Variants in ADCY8 observed in about 807,000 individuals in gnomAD.
ADCY8 encodes the protein adenylate cyclase 8, also known as adenylate cyclase type 8.
Under a neutral mutation model 119.7 loss-of-function variants are expected in ADCY8, and 51 were observed. The observed-to-expected ratio is 0.43, with a 90% confidence interval of 0.34 to 0.54. The LOEUF (loss-of-function observed/expected upper bound fraction) is 0.54. Among genes scored for constraint, ADCY8 ranks in the 20% least tolerant of loss-of-function variants. The probability of loss-of-function intolerance (pLI) is 0.03; values close to 1 mark genes in which losing one functional copy is unlikely to be tolerated. For missense variants in ADCY8, 1,383 were observed against 1,598.8 expected (o/e 0.87, Z 2.30); for synonymous variants, 665 against 651.0 (o/e 1.02, Z -0.33).
intron 8 of ADCY8, among the ~76,000 whole-genome samples, chr8:130,874,409 T>G (rs573740687): frequency 4.8e-4 from 73 of 152,294 alleles, no homozygotes; most frequent in African/African-American, 1.7e-3. Flanking sequence ...TTTTCAGTAA[T>G]TTTTGAATTT....
chr8:130,919,303 G>GCA (rs150748885), intron 5 of ADCY8, among the ~76,000 whole-genome samples: 3,082 of 149,922 alleles, frequency 0.021, 32 homozygotes, highest in Admixed American at 0.027. Flanking sequence ...ACTCACACTC[G>GCA]CACACACACA....
chr8:130,959,559 A>G (rs1053328890), intron 2 of ADCY8, among the ~76,000 whole-genome samples: 3 of 152,262 alleles, frequency 2.0e-5, no homozygotes, highest in African/African-American at 7.2e-5. Context: ...TAGTTGAGGT[A>G]GTAATCAAAT....
At chr8:130,932,441 G>A (rs1820659297) in intron 5 of ADCY8, among the ~76,000 whole-genome samples, 1 of 152,148 alleles carries the variant, frequency 6.6e-6, no homozygotes, top group African/African-American at 2.4e-5. Context: ...TACTGTGGCA[G>A]GCCCAGTGTT....
At chr8:130,957,746 G>C (rs1821474786) in intron 2 of ADCY8, among the ~76,000 whole-genome samples, 1 of 152,232 alleles carries the variant, frequency 6.6e-6, no homozygotes, top group Admixed American at 6.5e-5. Context: ...TGGCTGAAAG[G>C]GGTCAATGTA....
intron 15 of ADCY8, among the ~76,000 whole-genome samples, chr8:130,794,337 C>G (rs10102253): frequency 0.011 from 1,644 of 152,270 alleles, 33 homozygotes; most frequent in African/African-American, 0.038. Flanking sequence ...CTCCACTTCC[C>G]AGGTTCAAGT....
chr8:131,004,348 T>C (rs1823047886), intron 1 of ADCY8, among the ~76,000 whole-genome samples: 2 of 152,168 alleles, frequency 1.3e-5, no homozygotes, highest in African/African-American at 2.4e-5. Flanking sequence ...CCATTCCCAC[T>C]CCACCTCCCA....
chr8:130,806,222 G>C (rs1815952325), intron 14 of ADCY8, among the ~76,000 whole-genome samples: 1 of 152,144 alleles, frequency 6.6e-6, no homozygotes, highest in South Asian at 2.1e-4. Context: ...TTTTGCCCTT[G>C]GTGGCCCTGA....
chr8:130,964,511 A>G (rs1255632058), intron 2 of ADCY8, among the ~76,000 whole-genome samples: 1 of 152,220 alleles, frequency 6.6e-6, no homozygotes, highest in East Asian at 1.9e-4. Flanking sequence ...AATGAAATCA[A>G]ATACTTTGGG....
At chr8:130,791,013 G>A (rs893864703) in intron 15 of ADCY8, among the ~76,000 whole-genome samples, 1 of 152,218 alleles carries the variant, frequency 6.6e-6, no homozygotes, top group Non-Finnish European at 1.5e-5. Flanking sequence ...AACAGCATGG[G>A]CCAACGGCTA....
At position 130,874,310 on chromosome 8, in the gene ADCY8, AAAATAAATAAATAAAT is replaced by A. The variant is rs142984550; in HGVS notation, c.2110-6380_2110-6365del. Among the ~76,000 whole-genome samples the A allele has an allele frequency of 6.1e-4, 91 of 147,992 alleles. 1 individual carries two copies. Among genetic ancestry groups the A allele is most frequent in the East Asian group, 5.1e-3 (26 of 5,086 alleles). On this transcript the variant is annotated intron_variant, in intron 8 of 17. Coordinates refer to ENST00000286355, the MANE Select transcript of ADCY8 (RefSeq NM_001115.3). The stretch of plus-strand genomic sequence containing the variant: ...AAGACAAAGCAAGACTCTGACTTAA[AAAATAAATAAATAAAT>A]AAATAAATAAATAAATAAATAAATA...
At chr8:130,790,775 C>G (rs918180758) in intron 15 of ADCY8, among the ~76,000 whole-genome samples, 1 of 152,100 alleles carries the variant, frequency 6.6e-6, no homozygotes, top group Non-Finnish European at 1.5e-5. Flanking sequence ...CTTCCTCCGT[C>G]GATCCATTAT....
chr8:130,930,176 G>A (rs1372726811), intron 5 of ADCY8, among the ~76,000 whole-genome samples: 3 of 151,254 alleles, frequency 2.0e-5, no homozygotes, highest in Admixed American at 1.3e-4. Flanking sequence ...TAGATCTTGT[G>A]TTACTTCTTC....
chr8:130,821,521 C>T (rs891628933), intron 12 of ADCY8, 101 bp from the exon 13 acceptor site: 3 of 814,296 alleles, frequency 3.7e-6, no homozygotes, highest in Admixed American at 4.3e-5. Flanking sequence ...GAAAAAAACA[C>T]ACATCTTTTC....
In ADCY8 at chr8:130,906,315, C is replaced by A. The variant is rs186570684; in HGVS notation, c.1641-2273G>T. On this transcript the variant is annotated intron_variant, in intron 6 of 17. Transcript: ENST00000286355. Reference sequence around the variant, plus strand: ...TACCTTTTCTCCTAGACAAAATGAACCTGGTAGGAGGGTTTTCTAAAGTAC... The same window carrying A: ...TACCTTTTCTCCTAGACAAAATGAAACTGGTAGGAGGGTTTTCTAAAGTAC... 3.0e-4 allele frequency among the ~76,000 whole-genome samples: 46 copies of A among 152,270 alleles called. No homozygotes were observed. The East Asian group carries it at 7.9e-3, about 26-fold the overall frequency.
At chr8:130,800,041 A>C (rs16904362) in intron 15 of ADCY8, among the ~76,000 whole-genome samples, 27,385 of 152,248 alleles carry the variant, frequency 0.18, 2,811 homozygotes, top group Non-Finnish European at 0.22. Context: ...GCAAATGGAC[A>C]GTTTTATCTT....
At chr8:130,836,127 C>T (rs56349727) in intron 12 of ADCY8, 150 bp downstream of exon 12, 51,936 of 876,896 alleles carry the variant, frequency 0.059, 1,691 homozygotes, top group Middle Eastern at 0.075. Context: ...TTTGCTTGGA[C>T]TTGTAAACTA....
At chr8:130,966,588 G>A (rs369524401) in intron 2 of ADCY8, among the ~76,000 whole-genome samples, 2 of 152,166 alleles carry the variant, frequency 1.3e-5, no homozygotes, top group Non-Finnish European at 2.9e-5. Context: ...ACCCTAAAAG[G>A]GGGGAAGCAA....
rs1819752103 is a variant in ADCY8 at position 130,905,488 on chromosome 8, TGAATGAAA to T, written c.1641-1454_1641-1447del. ...TCCTAAGTTTACTTTAGTGTTCATT[TGAATGAAA>T]GAATGCTTAATATTTTGATTGGCTT... On this transcript the variant is annotated intron_variant, in intron 6 of 17. Transcript: ENST00000286355. 2.6e-5 allele frequency among the ~76,000 whole-genome samples: 4 copies of T among 152,364 alleles called. No individual in the cohort carries two copies. The South Asian group carries it at 6.2e-4, about 24-fold the overall frequency.
intron 3 of ADCY8, 35 bp from the exon 4 acceptor site, chr8:130,943,497 G>GGGGGGGGGGGACC: frequency 8.1e-6 from 4 of 491,348 alleles, no homozygotes; most frequent in African/African-American, 4.1e-5. Flanking sequence ...GTGGGGGGAG[G>GGGGGGGGGGGACC]AAGTATATTA....
Sources: allele counts gnomAD v4.1 joint callset (sites outside exome capture counted in the v4.1 genomes callset), GRCh38; gene constraint gnomAD v4.1.1; transcripts MANE v1.5; gene names NCBI Gene and HGNC (gene_info 2026-07-23, HGNC 2026-07-21).